The following GDPD1 variants were observed in gnomAD, a reference collection of about 807,000 sequenced individuals.
GDPD1 encodes the protein lysophospholipase D GDPD1.
Under a neutral mutation model 45.1 loss-of-function variants are expected in GDPD1, and 28 were observed. The observed-to-expected ratio is 0.62, with a 90% CI of 0.46 to 0.85. The LOEUF (loss-of-function observed/expected upper bound fraction) is 0.85. Among genes scored for constraint, GDPD1 ranks in the 40% least tolerant of loss-of-function variants. GDPD1 has a pLI of 0.00. For synonymous variants in GDPD1, 139 were observed against 131.4 expected (o/e 1.06, Z -0.40); for missense variants, 256 against 364.8 (o/e 0.70, Z 2.43).
rs764619219 is a variant in GDPD1, at chr17:59,267,104, A to G, written c.640A>G (p.Thr214Ala). Residue 214 changes from threonine (T) to alanine (A), a missense_variant, in exon 7 of 10, where the codon ACT becomes GCT. Physicochemically the swap from Thr to Ala is moderately conservative, Grantham distance 58. Coordinates refer to ENST00000284116, the MANE Select transcript of GDPD1 (RefSeq NM_182569.4). ...CCTGCTCATTCTTGGCCTTTTCTTC[A>G]CTGGCCTCTTGCCCTTTGTGCCCAT... ...RVLLILGLFF[T>A]GLLPFVPIRE... 1.2e-6 allele frequency: 2 copies of G among 1,613,762 alleles called. No homozygotes were observed. The highest frequency in any genetic ancestry group is 1.7e-6 in the Non-Finnish European group (2 of 1,179,694).
chr17:59,243,146 G>T (rs964871873), intron 2 of GDPD1, among the ~76,000 whole-genome samples: 3 of 151,994 alleles, frequency 2.0e-5, no homozygotes, highest in Non-Finnish European at 2.9e-5. Flanking sequence ...CCAAGATCAC[G>T]CCACTGCACT....
chr17:59,222,531 T>TTTTTTTTTTTTTTTTTA (rs2047014281), intron 1 of GDPD1, among the ~76,000 whole-genome samples: 1 of 98,844 alleles, frequency 1.0e-5, no homozygotes, highest in Non-Finnish European at 2.0e-5. Flanking sequence ...TTTTTTTTTT[T>TTTTTTTTTTTTTTTTTA]GAGACAGAGT....
chr17:59,261,913 C>CTTTTTTTTTTTTTTTT (rs58058526), intron 6 of GDPD1, among the ~76,000 whole-genome samples: 13 of 79,334 alleles, frequency 1.6e-4, no homozygotes, highest in African/African-American at 2.5e-4. Context: ...AGATTACAGG[C>CTTTTTTTTTTTTTTTT]TTTTTTTTTT....
In GDPD1 at chr17:59,267,130, T is replaced by C; in HGVS notation, c.666T>C (p.Ile222=). 1 of 1,614,054 alleles carries C rather than the reference T, an allele frequency of 6.2e-7. No individual in the cohort carries two copies. Among genetic ancestry groups the C allele is most frequent in the Middle Eastern group, 1.6e-4 (1 of 6,062 alleles). The part of the protein sequence containing the change: ...FFTGLLPFVP[I]REQFFEIPMP... ...CTGGCCTCTTGCCCTTTGTGCCCAT[T>C]CGAGAACAGTTTTTTGAAATCCCAA... Residue 222 remains isoleucine (I), a synonymous_variant, in exon 7 of 10, where the codon ATT becomes ATC. Transcript: ENST00000284116.
rs570175827 is a variant in GDPD1 at position 59,222,554 on chromosome 17, G to A, written c.142+1803G>A. ...TTTGAGACAGAGTTTCCCTCTTGTC[G>A]CCCGGGCTACAGTGTAGTGGTGCCA... On this transcript the variant is annotated intron_variant, in intron 1 of 9. Coordinates refer to ENST00000284116, the MANE Select transcript of GDPD1 (RefSeq NM_182569.4). Among the ~76,000 whole-genome samples, 24 of 107,204 alleles carry A rather than the reference G, an allele frequency of 2.2e-4. 1 individual carries two copies. The South Asian group carries it at 7.1e-3, about 32-fold the overall frequency. The allele number at this position is 107,204 out of a possible 152,430, so 70.3% of individuals were successfully genotyped here. A position where few individuals can be genotyped will look rare whatever the true frequency, so the allele number is the denominator to read the frequency against.
intron 2 of GDPD1, among the ~76,000 whole-genome samples, chr17:59,244,711 G>T (rs1055946910): frequency 6.6e-6 from 1 of 152,126 alleles, no homozygotes; most frequent in Non-Finnish European, 1.5e-5. Flanking sequence ...AGTAATAAAA[G>T]TGGCCAGGTG....
At chr17:59,263,055 T>C (rs1445950767) in intron 6 of GDPD1, among the ~76,000 whole-genome samples, 1 of 152,192 alleles carries the variant, frequency 6.6e-6, no homozygotes, top group East Asian at 1.9e-4. Flanking sequence ...AATTATGTAG[T>C]CTAATGAACA....
intron 1 of GDPD1, among the ~76,000 whole-genome samples, 199 bp from the exon 2 acceptor site, chr17:59,234,293 G>A (rs2047114346): frequency 1.3e-5 from 2 of 151,436 alleles, no homozygotes; most frequent in South Asian, 4.2e-4. Flanking sequence ...GGAGCTTGCA[G>A]TCAGCCGAAA....
intron 6 of GDPD1, among the ~76,000 whole-genome samples, chr17:59,261,499 A>G (rs1808134624): frequency 6.6e-6 from 1 of 151,592 alleles, no homozygotes; most frequent in South Asian, 2.1e-4. Context: ...TTTTATTATT[A>G]TTATTATTAT....
chr17:59,253,257 G>A (rs996488795), intron 4 of GDPD1, among the ~76,000 whole-genome samples: 3 of 151,854 alleles, frequency 2.0e-5, no homozygotes, highest in African/African-American at 7.3e-5. Flanking sequence ...TTTTCTTTTT[G>A]TAGTCCACCA....
At chr17:59,264,790 C>A (rs964393709) in intron 6 of GDPD1, among the ~76,000 whole-genome samples, 1 of 151,924 alleles carries the variant, frequency 6.6e-6, no homozygotes, top group African/African-American at 2.4e-5. Context: ...CTTATTTACT[C>A]TATTTTTTAA....
chr17:59,222,261 C>T (rs143979918), intron 1 of GDPD1, among the ~76,000 whole-genome samples: 25,144 of 151,882 alleles, frequency 0.17, 2,250 homozygotes, highest in East Asian at 0.27. Flanking sequence ...GGCTGAAGTG[C>T]AGTGGCGCGA....
intron 1 of GDPD1, among the ~76,000 whole-genome samples, chr17:59,232,228 G>A (rs1272114440): frequency 2.0e-5 from 3 of 152,032 alleles, no homozygotes; most frequent in African/African-American, 2.4e-5. Flanking sequence ...CAAGGCGGGC[G>A]GATCACAAGG....
chr17:59,226,045 GA>G (rs1597960435), intron 1 of GDPD1, among the ~76,000 whole-genome samples: 1 of 152,074 alleles, frequency 6.6e-6, no homozygotes, highest in East Asian at 1.9e-4. Flanking sequence ...CTTATTCACT[GA>G]TTTAAAAATC....
chr17:59,245,891 C>T (rs540733522), intron 3 of GDPD1, among the ~76,000 whole-genome samples: 9 of 151,952 alleles, frequency 5.9e-5, no homozygotes, highest in African/African-American at 1.2e-4. Flanking sequence ...GAGGCCGAGG[C>T]GGGTGGATCA....
At chr17:59,265,620 A>G (rs1307786963) in intron 6 of GDPD1, among the ~76,000 whole-genome samples, 1 of 150,116 alleles carries the variant, frequency 6.7e-6, no homozygotes, top group Non-Finnish European at 1.5e-5. Context: ...AAAGTTGGCC[A>G]GGCAAGGTGG....
intron 1 of GDPD1, 35 bp downstream of exon 1, chr17:59,220,786 G>T (rs201144255): frequency 6.2e-6 from 10 of 1,604,430 alleles, no homozygotes; most frequent in Non-Finnish European, 7.6e-6. Flanking sequence ...TGACGGAGGT[G>T]GGGGAGGCTG....
rs56936442 is a variant in GDPD1 at position 59,260,060 on chromosome 17, C to CAAAAAAAAAA, written c.576+2251_576+2260dup. Among the ~76,000 whole-genome samples the CAAAAAAAAAA allele has an allele frequency of 1.4e-3, 36 of 25,852 alleles. 10 individuals are homozygous for CAAAAAAAAAA. The highest frequency in any genetic ancestry group is 1.9e-3 in the Non-Finnish European group (28 of 14,514). 17.0% of individuals were successfully genotyped at this position (25,852 alleles called of 152,430 possible). The stretch of plus-strand genomic sequence containing the variant: ...TGGGTGACGGAGCCAGACCCTGTCT[C>CAAAAAAAAAA]AAAAAAAAAAAAAAAAAAAAAAAAA... On this transcript the variant is annotated intron_variant, in intron 6 of 9. Coordinates refer to ENST00000284116, the MANE Select transcript of GDPD1 (RefSeq NM_182569.4).
intron 1 of GDPD1, among the ~76,000 whole-genome samples, chr17:59,232,868 T>G (rs1308838806): frequency 1.4e-5 from 2 of 148,054 alleles, no homozygotes; most frequent in Non-Finnish European, 3.0e-5. Context: ...CAACTACTTC[T>G]GATGTTTCTT....
Sources: gnomAD v4.1 joint callset for allele counts (sites outside exome capture counted in the v4.1 genomes callset) on GRCh38, gnomAD v4.1.1 for gene constraint, MANE v1.5 for transcripts, NCBI Gene and HGNC (gene_info 2026-07-23, HGNC 2026-07-21) for gene names.